The following WNT3 variants were observed in gnomAD, a reference collection of about 807,000 sequenced individuals.
The protein encoded by WNT3 is Wnt family member 3.
A neutral mutation model predicts 34.2 loss-of-function variants in WNT3; 7 were observed. That is an observed-to-expected ratio of 0.20 (90% CI 0.12 to 0.38). WNT3 has a LOEUF of 0.38. WNT3 is among the 10% of genes least tolerant of loss of function. WNT3 has a pLI of 1.00. For missense variants in WNT3, 267 were observed against 499.8 expected, an observed-to-expected ratio of 0.53 and a Z score of 4.44; for synonymous variants, 212 against 211.5, an observed-to-expected ratio of 1.00 and a Z score of -0.02.
chr17:46,781,412 CA>C (rs58042041), intron 1 of WNT3, among the ~76,000 whole-genome samples: 283 of 111,612 alleles, frequency 2.5e-3, no homozygotes, highest in Non-Finnish European at 2.5e-3. Flanking sequence ...GACTCTGTCT[CA>C]AAAAAAAAAA....
In WNT3 at chr17:46,768,439, G is replaced by A. The variant is rs1350801842; in HGVS notation, c.949C>T (p.Arg317Trp). The change falls in exon 4 of 5, where the codon CGG becomes TGG. Residue 317 changes from arginine (R) to tryptophan (W), a missense_variant. This residue lies in a region of WNT3 where 60 missense variants were observed against 82.7 expected (regional missense o/e 0.73). Transcript: ENST00000225512. This position sits in a 1 kb window ranked among gnomAD's most constrained non-coding sequence, Gnocchi z 5.0. ...TTCTCCGTCCTCGTGTTGTGGCCCC[G>A]GCCACAGCAGAGCAGATCGCAGCCA... ...IDGCDLLCCG[R>W]GHNTRTEKRK... The A allele has an allele frequency of 1.9e-6, 3 of 1,614,066 alleles. No individual in the cohort carries two copies. The highest frequency in any genetic ancestry group is 2.5e-6 in the Non-Finnish European group (3 of 1,180,028).
At chr17:46,776,913 C>G (rs1363657869) in intron 1 of WNT3, among the ~76,000 whole-genome samples, 2 of 152,138 alleles carry the variant, frequency 1.3e-5, no homozygotes, top group African/African-American at 4.8e-5. Context: ...CTCCTCCTTC[C>G]TCCCCCTCTC....
intron 1 of WNT3, among the ~76,000 whole-genome samples, chr17:46,814,103 A>G (rs941549258): frequency 6.6e-6 from 1 of 152,184 alleles, no homozygotes; most frequent in African/African-American, 2.4e-5. Context: ...GATTAATTGC[A>G]GGGCAGACAT....
chr17:46,790,948 C>G (rs1366996367), intron 1 of WNT3, among the ~76,000 whole-genome samples: 1 of 152,216 alleles, frequency 6.6e-6, no homozygotes, highest in Non-Finnish European at 1.5e-5. Flanking sequence ...ATCTGGAACC[C>G]CCTGCCCAGG....
chr17:46,800,300 G>A (rs1047985321), intron 1 of WNT3, among the ~76,000 whole-genome samples: 2 of 151,954 alleles, frequency 1.3e-5, no homozygotes, highest in South Asian at 2.1e-4. Context: ...TAGTAGAGAC[G>A]GGGTTTCACC....
At chr17:46,794,752 CTTTTTTTTTTT>C (rs5820620) in intron 1 of WNT3, among the ~76,000 whole-genome samples, 1 of 129,286 alleles carries the variant, frequency 7.7e-6, no homozygotes, top group Non-Finnish European at 1.6e-5. Context: ...CTTTCTTTTT[CTTTTTTTTTTT>C]TTTTTTTAAC....
At chr17:46,764,963 T>C (rs2059300392) in intron 4 of WNT3, among the ~76,000 whole-genome samples, 2 of 152,238 alleles carry the variant, frequency 1.3e-5, no homozygotes, top group South Asian at 4.1e-4. Flanking sequence ...AGTCCCCAAC[T>C]CCAAGTCAAC....
intron 2 of WNT3, among the ~76,000 whole-genome samples, chr17:46,772,524 C>T (rs922400023): frequency 6.6e-6 from 1 of 152,174 alleles, no homozygotes; most frequent in East Asian, 1.9e-4. Context: ...CCGACAAGAA[C>T]GAGTTTGAAA....
At chr17:46,788,692 G>A (rs1477047996) in intron 1 of WNT3, among the ~76,000 whole-genome samples, 7 of 152,128 alleles carry the variant, frequency 4.6e-5, no homozygotes, top group African/African-American at 1.2e-4. Context: ...TCTTTCACTC[G>A]TTTCCATGTA....
At chr17:46,787,632 C>A (rs2059520114) in intron 1 of WNT3, among the ~76,000 whole-genome samples, 1 of 152,154 alleles carries the variant, frequency 6.6e-6, no homozygotes, top group African/African-American at 2.4e-5. Flanking sequence ...TCATTCAGTA[C>A]CTGCATACTA....
At chr17:46,818,468 C>T (rs921176096) in intron 1 of WNT3, 50 bp downstream of exon 1, 3 of 1,559,440 alleles carry the variant, frequency 1.9e-6, no homozygotes, top group Non-Finnish European at 2.6e-6. Context: ...CCACCTTCCC[C>T]GGACGCGGCG....
intron 1 of WNT3, among the ~76,000 whole-genome samples, chr17:46,777,144 A>AC (rs2059419058): frequency 6.6e-6 from 1 of 152,086 alleles, no homozygotes; most frequent in South Asian, 2.1e-4. Context: ...TGGGAGGTGG[A>AC]GGTTGTTGTG....
rs57791348 is a variant in WNT3, at chr17:46,788,734, G to GCCCTGCGAGGACCT, written c.81-14839_81-14826dup. Among the ~76,000 whole-genome samples the GCCCTGCGAGGACCT allele has an allele frequency of 2.1e-3, 324 of 152,140 alleles. 4 individuals carry two copies. Among genetic ancestry groups the GCCCTGCGAGGACCT allele is most frequent in the African/African-American group, 4.8e-3 (200 of 41,494 alleles). ...AGCACCTGCTTCAGCAGGTGCAGTG[G>GCCCTGCGAGGACCT]CCCTGCGAGGACCTCCCTGCGAGGA... On this transcript the variant is annotated intron_variant, in intron 1 of 4. Coordinates refer to ENST00000225512, the MANE Select transcript of WNT3 (RefSeq NM_030753.5).
At chr17:46,793,752 C>G (rs529156508) in intron 1 of WNT3, among the ~76,000 whole-genome samples, 15 of 152,318 alleles carry the variant, frequency 9.8e-5, no homozygotes, top group African/African-American at 3.4e-4. Context: ...GTTCCCAGCA[C>G]CTTCCAACCT....
At position 46,768,752 on chromosome 17, in the gene WNT3, C is replaced by A. The variant is rs1422054724; in HGVS notation, c.636G>T (p.Ser212=). ...AGCAGGTCTTCACCTCACAGCTGCC[C>A]GACAGCCCGTGGCACTTGCATTTGA... ...MHLKCKCHGL[S]GSCEVKTCWW... The change falls in exon 4 of 5, where the codon TCG becomes TCT. Residue 212 remains serine (S), a synonymous_variant. Coordinates refer to ENST00000225512, the MANE Select transcript of WNT3 (RefSeq NM_030753.5). The surrounding 1 kb of genome is among the most constrained non-coding windows in gnomAD (Gnocchi z 5.0). The A allele has an allele frequency of 1.2e-6, 2 of 1,614,058 alleles. No individual in the cohort carries two copies. The highest frequency in any genetic ancestry group is 3.3e-5 in the Admixed American group (2 of 60,028).
chr17:46,769,459 A>G (rs1389798895), intron 3 of WNT3, among the ~76,000 whole-genome samples: 1 of 152,210 alleles, frequency 6.6e-6, no homozygotes. Context: ...CTGAATTCAA[A>G]GCCAGGTTCC....
chr17:46,791,810 CAGG>C (rs2083991226), intron 1 of WNT3, among the ~76,000 whole-genome samples: 1 of 152,138 alleles, frequency 6.6e-6, no homozygotes, highest in Non-Finnish European at 1.5e-5. Context: ...AATTTCGAGG[CAGG>C]GGGATCACCT....
At chr17:46,813,356 T>A (rs904891360) in intron 1 of WNT3, among the ~76,000 whole-genome samples, 1 of 150,554 alleles carries the variant, frequency 6.6e-6, no homozygotes, top group Non-Finnish European at 1.5e-5. Context: ...GGTCCATTGG[T>A]ATTAAACTTG....
At position 46,779,103 on chromosome 17, in the gene WNT3, A is replaced by ACACACACACACACAC. The variant is rs749719578; in HGVS notation, c.81-5195_81-5194insGTGTGTGTGTGTGTG. On this transcript the variant is annotated intron_variant, in intron 1 of 4. Transcript: ENST00000225512. The stretch of plus-strand genomic sequence containing the variant: ...CACACACACACACACACACACACAC[A>ACACACACACACACAC]CCCCAGCCCACTCGGCCTTCCAAAG... 1.6e-3 allele frequency among the ~76,000 whole-genome samples: 211 copies of ACACACACACACACAC among 133,624 alleles called. 4 individuals are homozygous for ACACACACACACACAC. The highest frequency in any genetic ancestry group is 5.6e-3 in the African/African-American group (203 of 36,354). The allele number at this position is 133,624 out of a possible 152,430, so 87.7% of individuals were successfully genotyped here.
Sources: gnomAD v4.1 joint callset for allele counts (sites outside exome capture counted in the v4.1 genomes callset) on GRCh38, gnomAD v4.1.1 for gene constraint, gnomAD v4.1.1 regional missense constraint, Gnocchi (gnomAD v3.1) non-coding constraint, MANE v1.5 for transcripts, NCBI Gene and HGNC (gene_info 2026-07-23, HGNC 2026-07-21) for gene names.